Variants in SPPL3 observed in about 807,000 individuals in gnomAD.
SPPL3 encodes signal peptide peptidase like 3.
SPPL3 carries 5 observed loss-of-function variants against 42.4 expected under a neutral mutation model. That is an observed-to-expected ratio of 0.12 (90% confidence interval 0.06 to 0.25). SPPL3 has a LOEUF of 0.25. SPPL3 is among the 10% of genes least tolerant of loss of function. The pLI, the probability that SPPL3 is intolerant of heterozygous loss-of-function variation, is 1.00. For missense variants in SPPL3, 235 were observed against 489.0 expected, an observed-to-expected ratio of 0.48 and a Z score of 4.90; for synonymous variants, 195 against 181.8, an observed-to-expected ratio of 1.07 and a Z score of -0.58.
intron 2 of SPPL3, among the ~76,000 whole-genome samples, chr12:120,809,791 C>A (rs1374923205): frequency 6.6e-6 from 1 of 152,052 alleles, no homozygotes; most frequent in Non-Finnish European, 1.5e-5. Flanking sequence ...CAAGGCACAA[C>A]CCTATTAATA....
At chr12:120,828,574 C>G (rs1215453216) in intron 1 of SPPL3, among the ~76,000 whole-genome samples, 1 of 152,066 alleles carries the variant, frequency 6.6e-6, no homozygotes, top group African/African-American at 2.4e-5. Context: ...ATAGCTAAAA[C>G]AATCTTGGGG....
At position 120,767,536 on chromosome 12, in the gene SPPL3, G is replaced by C. The variant is rs1868958602; in HGVS notation, c.831C>G (p.Leu277=). The C allele has an allele frequency of 1.9e-6, 3 of 1,614,092 alleles. No homozygotes were observed. The South Asian group carries it at 3.3e-5, about 18-fold the overall frequency. The stretch of plus-strand genomic sequence containing the variant: ...CATAGCGAAGGACAAAGCATAGTAG[G>C]AGACCAGGCATAACGATGTCTCCGA... ...LGIGDIVMPG[L]LLCFVLRYDN... Residue 277 remains leucine (L), a synonymous_variant, in exon 9 of 11, where the codon CTC becomes CTG. Coordinates refer to ENST00000353487, the MANE Select transcript of SPPL3 (RefSeq NM_139015.5).
intron 1 of SPPL3, among the ~76,000 whole-genome samples, chr12:120,857,440 G>C (rs1290276887): frequency 6.6e-6 from 1 of 152,178 alleles, no homozygotes; most frequent in Non-Finnish European, 1.5e-5. Flanking sequence ...TCTAGAAGCA[G>C]AAATACCATT....
chr12:120,867,725 G>C (rs1872798330), intron 1 of SPPL3, among the ~76,000 whole-genome samples: 1 of 138,128 alleles, frequency 7.2e-6, no homozygotes, highest in Admixed American at 7.9e-5. Context: ...AACAACTATG[G>C]TATTAGACAA....
rs879610773 is a variant in SPPL3, at chr12:120,852,738, T to C, written c.24-41852A>G. ...ATATATTTTATATATAATATACATA[T>C]AATATATTTCATATATTATATCTAT... is the stretch of plus-strand genomic sequence containing the variant. On this transcript the variant is annotated intron_variant, in intron 1 of 10. Transcript: ENST00000353487. Among the ~76,000 whole-genome samples the C allele has an allele frequency of 9.9e-5, 5 of 50,282 alleles. 1 individual carries two copies. Among genetic ancestry groups the C allele is most frequent in the African/African-American group, 3.3e-4 (5 of 15,306 alleles). 33.0% of individuals were successfully genotyped at this position (50,282 alleles called of 152,430 possible).
chr12:120,874,568 TAAC>T (rs1166961817), intron 1 of SPPL3, among the ~76,000 whole-genome samples: 2 of 152,072 alleles, frequency 1.3e-5, no homozygotes, highest in South Asian at 4.1e-4. Context: ...AAATGCCTGA[TAAC>T]AGCAGCACAA....
At chr12:120,900,195 C>T (rs1282089515) in intron 1 of SPPL3, among the ~76,000 whole-genome samples, 1 of 152,122 alleles carries the variant, frequency 6.6e-6, no homozygotes, top group African/African-American at 2.4e-5. Context: ...GGGAGCCCAT[C>T]TGCATATGCC....
intron 1 of SPPL3, 33 bp downstream of exon 1, chr12:120,903,812 C>T (rs2137076431): frequency 1.4e-6 from 2 of 1,435,286 alleles, no homozygotes; most frequent in African/African-American, 1.5e-5. Context: ...CCCACCCTTG[C>T]CGCCTCCCGG....
At chr12:120,894,568 T>A (rs979193967) in intron 1 of SPPL3, among the ~76,000 whole-genome samples, 8 of 152,186 alleles carry the variant, frequency 5.3e-5, no homozygotes, top group Non-Finnish European at 8.8e-5. Flanking sequence ...CTGCCCTATC[T>A]AGGTCAAGAG....
chr12:120,875,858 T>C (rs1873070707), intron 1 of SPPL3, among the ~76,000 whole-genome samples: 1 of 152,082 alleles, frequency 6.6e-6, no homozygotes, highest in Non-Finnish European at 1.5e-5. Context: ...ATAAGAAACA[T>C]AGTTTAAATA....
chr12:120,853,379 C>T (rs1795783365), intron 1 of SPPL3, among the ~76,000 whole-genome samples: 1 of 152,078 alleles, frequency 6.6e-6, no homozygotes, highest in South Asian at 2.1e-4. Context: ...TTTATCTGCC[C>T]AAAGGAATTG....
chr12:120,847,443 C>T (rs535624021), intron 1 of SPPL3, among the ~76,000 whole-genome samples: 1 of 152,180 alleles, frequency 6.6e-6, no homozygotes, highest in East Asian at 1.9e-4. Context: ...CAGGTGTGTG[C>T]CACCACACCT....
In SPPL3 at chr12:120,813,002, A is replaced by G. The variant is rs557675639; in HGVS notation, c.24-2116T>C. On this transcript the variant is annotated intron_variant, in intron 1 of 10. Transcript: ENST00000353487. ...GTGACCACTGGGTAAAGTGGTGAGG[A>G]TGGAGTCAGATTGAAATTGGGTGAG... Among the ~76,000 whole-genome samples the G allele has an allele frequency of 5.3e-5, 8 of 152,286 alleles. No homozygotes were observed. The South Asian group carries it at 1.5e-3, about 28-fold the overall frequency.
At chr12:120,830,088 G>A (rs1183376593) in intron 1 of SPPL3, among the ~76,000 whole-genome samples, 2 of 149,748 alleles carry the variant, frequency 1.3e-5, no homozygotes, top group African/African-American at 4.9e-5. Context: ...CAGTTAAGAT[G>A]GTGGCTGGTA....
intron 6 of SPPL3, among the ~76,000 whole-genome samples, chr12:120,777,841 C>A (rs2136973899): frequency 6.6e-6 from 1 of 152,248 alleles, no homozygotes; most frequent in African/African-American, 2.4e-5. Flanking sequence ...AGATGCTAAA[C>A]AAATGACCAA....
intron 2 of SPPL3, among the ~76,000 whole-genome samples, chr12:120,792,283 T>A (rs1387567406): frequency 6.6e-6 from 1 of 152,192 alleles, no homozygotes; most frequent in Non-Finnish European, 1.5e-5. Context: ...AAATGGCACG[T>A]CACTTTGATT....
intron 6 of SPPL3, among the ~76,000 whole-genome samples, chr12:120,779,584 C>T (rs185373902): frequency 6.6e-6 from 1 of 152,256 alleles, no homozygotes; most frequent in East Asian, 1.9e-4. Context: ...TAGTTCACAA[C>T]CCCTTTTAAA....
chr12:120,901,895 T>A (rs73224303), intron 1 of SPPL3: 53,505 of 985,146 alleles, frequency 0.054, 1,620 homozygotes, highest in South Asian at 0.12. Context: ...AACATTTTCA[T>A]TTTCCCCATT....
intron 1 of SPPL3, chr12:120,903,575 T>C (rs1199085721): frequency 4.6e-6 from 2 of 435,738 alleles, no homozygotes; most frequent in Non-Finnish European, 8.3e-6. Flanking sequence ...ATGCTCCCCT[T>C]CTCCATCACC....
Sources: gnomAD v4.1 joint callset for allele counts (sites outside exome capture counted in the v4.1 genomes callset) on GRCh38, gnomAD v4.1.1 for gene constraint, MANE v1.5 for transcripts, NCBI Gene and HGNC (gene_info 2026-07-23, HGNC 2026-07-21) for gene names.